Variants in UBR2 observed in about 807,000 individuals in gnomAD.
The protein encoded by UBR2 is E3 ubiquitin-protein ligase UBR2.
A neutral mutation model predicts 247.9 loss-of-function variants in UBR2; 92 were observed. The ratio of observed to expected loss-of-function variants is 0.37; its 90% CI spans 0.31 to 0.44. The LOEUF (loss-of-function observed/expected upper bound fraction) is 0.44. UBR2 is among the 20% of genes least tolerant of loss of function. The pLI is 1.00. For synonymous variants in UBR2, 672 were observed against 693.5 expected (o/e 0.97, Z 0.49); for missense variants, 1,613 against 2,112.6 (o/e 0.76, Z 4.64).
At chr6:42,684,693 C>T (rs935400026) in intron 43 of UBR2, 101 bp from the exon 44 acceptor site, 3 of 702,878 alleles carry the variant, frequency 4.3e-6, no homozygotes, top group Non-Finnish European at 6.8e-6. Context: ...AAGGCCATAC[C>T]ATGTTACCCG....
At chr6:42,614,408 G>A (rs72861156) in intron 8 of UBR2, among the ~76,000 whole-genome samples, 5,866 of 28,950 alleles carry the variant, frequency 0.2, 315 homozygotes, top group African/African-American at 0.23. Context: ...ACATACGTAT[G>A]TATGTACGTA....
At chr6:42,590,136 T>C (rs1440114337) in intron 2 of UBR2, among the ~76,000 whole-genome samples, 1 of 152,192 alleles carries the variant, frequency 6.6e-6, no homozygotes, top group Non-Finnish European at 1.5e-5. Context: ...TAAAATAATA[T>C]ATGTGTAATA....
chr6:42,621,210 G>T (rs1794978724), intron 11 of UBR2, among the ~76,000 whole-genome samples: 1 of 152,084 alleles, frequency 6.6e-6, no homozygotes, highest in South Asian at 2.1e-4. Context: ...GTGTATCTAA[G>T]AAGTAAGGTC....
At chr6:42,633,350 C>T (rs569058520) in intron 13 of UBR2, among the ~76,000 whole-genome samples, 5 of 152,060 alleles carry the variant, frequency 3.3e-5, no homozygotes, top group East Asian at 3.9e-4. Flanking sequence ...GCAAACATTC[C>T]GGCATCTACT....
chr6:42,643,042 A>G (rs554588098), intron 18 of UBR2, among the ~76,000 whole-genome samples: 15 of 152,072 alleles, frequency 9.9e-5, no homozygotes, highest in African/African-American at 3.4e-4. Flanking sequence ...CTTTAGCATT[A>G]CTTCCTCCAG....
intron 11 of UBR2, chr6:42,619,431 ATATATATATATATATATATATATTTT>A: frequency 1.2e-4 from 2 of 17,172 alleles, no homozygotes; most frequent in Non-Finnish European, 1.1e-4. Flanking sequence ...ATATATATAT[ATATATATATATATATATATATATTTT>A]TTTTTTTTAG....
chr6:42,596,232 T>A (rs921740765), intron 4 of UBR2, among the ~76,000 whole-genome samples: 1 of 150,660 alleles, frequency 6.6e-6, no homozygotes, highest in Non-Finnish European at 1.5e-5. Flanking sequence ...GATATATGAA[T>A]AATCAACAAA....
chr6:42,689,464 A>T lies in UBR2; in HGVS notation c.5025-105A>T. 9.2e-7 allele frequency: 1 copy of T among 1,081,478 alleles called. No homozygotes were observed. The highest frequency in any genetic ancestry group is 1.4e-6 in the Non-Finnish European group (1 of 713,906). The allele number at this position is 1,081,478 out of a possible 1,614,324, so 67.0% of individuals were successfully genotyped here. ...TTTTAATGGATAACTTCCTCCTAAT[A>T]GTGGTTTAAATATCAGTACTATAAG... On this transcript the variant is annotated intron_variant, in intron 45 of 46. Transcript: ENST00000372901. The surrounding 1 kb of genome is among the most constrained non-coding windows in gnomAD (Gnocchi z 4.0).
intron 31 of UBR2, among the ~76,000 whole-genome samples, chr6:42,662,746 A>G (rs1314573560): frequency 6.6e-6 from 1 of 152,090 alleles, no homozygotes; most frequent in East Asian, 1.9e-4. Context: ...AATCAATAAT[A>G]CTATTATTCT....
intron 4 of UBR2, among the ~76,000 whole-genome samples, chr6:42,601,675 C>T (rs1374754176): frequency 1.7e-5 from 2 of 117,242 alleles, no homozygotes; most frequent in East Asian, 4.9e-4. Context: ...GCGACAAGAG[C>T]GAAACTCTAG....
chr6:42,633,585 T>G lies in UBR2; in HGVS notation c.1545+681T>G, dbSNP rs1687287407. On this transcript the variant is annotated intron_variant, in intron 13 of 46. Coordinates refer to ENST00000372901, the MANE Select transcript of UBR2 (RefSeq NM_001363705.2). Reference sequence around the variant, plus strand: ...TTTGTATTTTTAATAGAGATAGGGTTTCACCAAGTTGTCCAGGCTGGTCTC... The same window carrying G: ...TTTGTATTTTTAATAGAGATAGGGTGTCACCAAGTTGTCCAGGCTGGTCTC... 2.0e-5 allele frequency among the ~76,000 whole-genome samples: 3 copies of G among 152,096 alleles called. No individual in the cohort carries two copies. In the South Asian group the frequency reaches 6.2e-4, roughly 31 times the overall value.
At chr6:42,614,038 G>A (rs141077684) in intron 8 of UBR2, among the ~76,000 whole-genome samples, 3,514 of 150,814 alleles carry the variant, frequency 0.023, 123 homozygotes, top group African/African-American at 0.08. Flanking sequence ...TTAGCCAGGC[G>A]TGGTGGTGCA....
chr6:42,633,587 C>T (rs1329430241), intron 13 of UBR2, among the ~76,000 whole-genome samples: 1 of 152,124 alleles, frequency 6.6e-6, no homozygotes, highest in East Asian at 1.9e-4. Context: ...GATAGGGTTT[C>T]ACCAAGTTGT....
Position 42,658,821 on chromosome 6 carries a change from A to G in UBR2, c.3239A>G (p.His1080Arg), listed in dbSNP as rs1797596233. The change falls in exon 29 of 47, where the codon CAT becomes CGT. Residue 1080 changes from histidine (H) to arginine (R), a missense_variant. His to Arg is a conservative substitution (Grantham distance 29). Transcript: ENST00000372901. ...LDASTSAVLD[H>R]SPVASDMTLT... The stretch of plus-strand genomic sequence containing the variant: ...GCCTCAACCTCTGCTGTTCTTGATC[A>G]TAGGTAAAAAAAAAAAAAAAAAAAA... 2 of 1,458,076 alleles carry G rather than the reference A, an allele frequency of 1.4e-6. No homozygotes were observed. Among genetic ancestry groups the G allele is most frequent in the Admixed American group, 2.7e-5 (1 of 36,582 alleles). The allele number at this position is 1,458,076 out of a possible 1,614,324, so 90.3% of individuals were successfully genotyped here.
In UBR2 at chr6:42,603,475, G is replaced by A. The variant is rs1793510641; in HGVS notation, c.532-113G>A. On this transcript the variant is annotated intron_variant, in intron 4 of 46. Coordinates refer to ENST00000372901, the MANE Select transcript of UBR2 (RefSeq NM_001363705.2). The stretch of plus-strand genomic sequence containing the variant: ...AATTCATTGAAGAGAAGCTGAAGCT[G>A]GAAGACCAGTCAACTTTTTACTATA... 5.8e-6 allele frequency: 6 copies of A among 1,029,294 alleles called. No individual in the cohort carries two copies. In the African/African-American group the frequency reaches 1.0e-4, roughly 17 times the overall value. 63.8% of individuals were successfully genotyped at this position (1,029,294 alleles called of 1,614,324 possible).
chr6:42,620,481 G>GTGTTT (rs1794904525), intron 11 of UBR2: 4 of 66,682 alleles, frequency 6.0e-5, no homozygotes, highest in Admixed American at 1.5e-4. Flanking sequence ...ATTAAGTGTT[G>GTGTTT]TTTTTTTTTT....
At position 42,569,704 on chromosome 6, in the gene UBR2, G is replaced by A. The variant is rs1362553269; in HGVS notation, c.79-4030G>A. Among the ~76,000 whole-genome samples the A allele has an allele frequency of 2.0e-5, 3 of 152,140 alleles. No individual in the cohort carries two copies. The South Asian group carries it at 6.2e-4, about 31-fold the overall frequency. On this transcript the variant is annotated intron_variant, in intron 1 of 46. Coordinates refer to ENST00000372901, the MANE Select transcript of UBR2 (RefSeq NM_001363705.2). ...TAGTTAAAGGATACAATTTTAATTG[G>A]GTATAGAATAATAGAGACTGTAATA...
chr6:42,627,680 T>G (rs112910646), intron 11 of UBR2, among the ~76,000 whole-genome samples: 57 of 151,920 alleles, frequency 3.8e-4, no homozygotes, highest in Middle Eastern at 3.4e-3. Flanking sequence ...TTTTTTTTTA[T>G]CTCTTATTTT....
chr6:42,678,048 T>C (rs1334034319), intron 40 of UBR2, among the ~76,000 whole-genome samples: 3 of 152,052 alleles, frequency 2.0e-5, no homozygotes, highest in Admixed American at 6.6e-5. Context: ...GTCACTATGT[T>C]ACTTTTATAA....
Sources: allele counts gnomAD v4.1 joint callset (sites outside exome capture counted in the v4.1 genomes callset), GRCh38; gene constraint gnomAD v4.1.1; non-coding constraint Gnocchi (gnomAD v3.1); transcripts MANE v1.5; gene names NCBI Gene and HGNC (gene_info 2026-07-23, HGNC 2026-07-21).